NFE2L2: variants seen among roughly 807,000 people sequenced by gnomAD.
The protein encoded by NFE2L2 is NFE2 like bZIP transcription factor 2, also known as nuclear factor erythroid 2-related factor 2.
Under a neutral mutation model 49.6 loss-of-function variants are expected in NFE2L2, and 20 were observed. The ratio of observed to expected loss-of-function variants is 0.40; its 90% CI spans 0.28 to 0.59. The LOEUF (loss-of-function observed/expected upper bound fraction) is 0.59, where lower values mean the gene tolerates loss of function less well. Ranked by LOEUF, NFE2L2 falls within the 20% of genes least tolerant of loss-of-function variation. NFE2L2 has a pLI of 0.40. For synonymous variants in NFE2L2, 244 were observed against 256.5 expected (o/e 0.95, Z 0.47); for missense variants, 578 against 714.2 (o/e 0.81, Z 2.17).
intron 1 of NFE2L2, among the ~76,000 whole-genome samples, chr2:177,264,205 G>A (rs373208970): frequency 6.6e-6 from 1 of 152,114 alleles, no homozygotes; most frequent in Non-Finnish European, 1.5e-5. Context: ...CAAACTTAGG[G>A]GCTCCGGAGT....
At chr2:177,250,368 G>C (rs1022491571) in intron 1 of NFE2L2, among the ~76,000 whole-genome samples, 1 of 152,122 alleles carries the variant, frequency 6.6e-6, no homozygotes, top group African/African-American at 2.4e-5. Context: ...ATTATGTTGG[G>C]GTAGTGTTTA....
rs1690869506 is a variant in NFE2L2, at chr2:177,264,591, C to T, written c.-15G>A. The T allele has an allele frequency of 2.0e-6, 3 of 1,472,322 alleles. No homozygotes were observed. The East Asian group carries it at 9.0e-5, about 44-fold the overall frequency. The allele number at this position is 1,472,322 out of a possible 1,614,324, so 91.2% of individuals were successfully genotyped here. On this transcript the variant is annotated 5_prime_UTR_variant, in exon 1 of 5. Coordinates refer to ENST00000397062, the MANE Select transcript of NFE2L2 (RefSeq NM_006164.5). ...AAGTCCATCATGATGAGCTGTGGAC[C>T]GTGTGTTGGGGCTCCCCGACGGCGG... is the stretch of plus-strand genomic sequence containing the variant.
chr2:177,264,634 A>C lies in NFE2L2; in HGVS notation c.-58T>G. 1 of 1,388,804 alleles carries C rather than the reference A, an allele frequency of 7.2e-7. No individual in the cohort carries two copies. The highest frequency in any genetic ancestry group is 1.5e-5 in the African/African-American group (1 of 66,784). 86.0% of individuals were successfully genotyped at this position (1,388,804 alleles called of 1,614,324 possible). A position where few individuals can be genotyped will look rare whatever the true frequency, so the allele number is the denominator to read the frequency against. ...GACGGCGGCCCTGTTCCGGCTGCCG[A>C]GGCGCGGCGCGGACAGGGCGGCTCT... On this transcript the variant is annotated 5_prime_UTR_variant, in exon 1 of 5. Coordinates refer to ENST00000397062, the MANE Select transcript of NFE2L2 (RefSeq NM_006164.5).
At position 177,253,362 on chromosome 2, in the gene NFE2L2, C is replaced by T. The variant is rs561756195; in HGVS notation, c.45+11170G>A. 3.9e-5 allele frequency among the ~76,000 whole-genome samples: 6 copies of T among 152,246 alleles called. No individual in the cohort carries two copies. The South Asian group carries it at 1.2e-3, about 32-fold the overall frequency. ...ACTATTACGTAAGCACCAGGCATGG[C>T]GCTAGACATCAGAATTACACAAAAG... On this transcript the variant is annotated intron_variant, in intron 1 of 4. Transcript: ENST00000397062.
chr2:177,252,224 C>T (rs1690368247), intron 1 of NFE2L2, among the ~76,000 whole-genome samples: 1 of 152,142 alleles, frequency 6.6e-6, no homozygotes, highest in East Asian at 1.9e-4. Context: ...CTCAGTTCTT[C>T]ACCTACAAAA....
chr2:177,237,203 C>A (rs1377288877), intron 1 of NFE2L2, among the ~76,000 whole-genome samples: 1 of 152,188 alleles, frequency 6.6e-6, no homozygotes, highest in Non-Finnish European at 1.5e-5. Context: ...CCATTGGTTG[C>A]ATCATGGAAC....
intron 1 of NFE2L2, among the ~76,000 whole-genome samples, chr2:177,257,587 C>T (rs1463267574): frequency 1.3e-5 from 2 of 152,206 alleles, no homozygotes; most frequent in Non-Finnish European, 2.9e-5. Flanking sequence ...ACCAGATTTT[C>T]TAAATCACTA....
chr2:177,233,957 G>A (rs754424808), intron 2 of NFE2L2, 48 bp downstream of exon 2: 106 of 1,604,060 alleles, frequency 6.6e-5, no homozygotes, highest in Non-Finnish European at 8.8e-5. Context: ...CTTGCTCAGT[G>A]TTTCCTTAAA....
chr2:177,264,486 C>T, intron 1 of NFE2L2, 46 bp downstream of exon 1: 5 of 1,511,492 alleles, frequency 3.3e-6, no homozygotes, highest in Non-Finnish European at 4.4e-6. Flanking sequence ...AGCTCCCCCG[C>T]CCCCGTCCCG....
rs944058765 is a variant in NFE2L2, at chr2:177,231,220, T to C, written c.1383A>G (p.Ala461=). 8 of 1,614,128 alleles carry C rather than the reference T, an allele frequency of 5.0e-6. No homozygotes were observed. Among genetic ancestry groups the C allele is most frequent in the Non-Finnish European group, 6.8e-6 (8 of 1,180,052 alleles). The change falls in exon 5 of 5, where the codon GCA becomes GCG. Residue 461 remains alanine, a synonymous_variant. Transcript: ENST00000397062. ...EAHLTRDELR[A]KALHIPFPVE... is the part of the protein sequence containing the mutation. ...CAGGGAATGGGATATGGAGAGCTTT[T>C]GCCCTAAGTTCATCTCTTGTGAGAT...
At chr2:177,259,927 G>A (rs917080616) in intron 1 of NFE2L2, among the ~76,000 whole-genome samples, 12 of 151,086 alleles carry the variant, frequency 7.9e-5, no homozygotes, top group African/African-American at 1.9e-4. Context: ...GCAAGACTGC[G>A]TCTCAAAAAA....
intron 1 of NFE2L2, among the ~76,000 whole-genome samples, chr2:177,255,600 C>G (rs1690488209): frequency 6.6e-6 from 1 of 152,096 alleles, no homozygotes; most frequent in African/African-American, 2.4e-5. Context: ...TACTCTGTTG[C>G]CTGGGCTGGA....
At chr2:177,239,507 T>C (rs564316752) in intron 1 of NFE2L2, among the ~76,000 whole-genome samples, 3 of 152,088 alleles carry the variant, frequency 2.0e-5, no homozygotes, top group Non-Finnish European at 4.4e-5. Flanking sequence ...TGAAACCCTG[T>C]CTCTACTAAA....
Position 177,231,783 on chromosome 2 carries a change from C to A in NFE2L2, c.820G>T (p.Asp274Tyr), listed in dbSNP as rs1689561709. 3.1e-6 allele frequency: 5 copies of A among 1,614,082 alleles called. No homozygotes were observed. The East Asian group carries it at 1.1e-4, about 36-fold the overall frequency. Residue 274 changes from aspartate to tyrosine, a missense_variant, in exon 5 of 5, where the codon GAT (aspartate) becomes TAT (tyrosine). Around this residue, in one of 3 missense-constraint regions of NFE2L2, gnomAD observed 368 missense variants for 384.6 expected, o/e 0.96. Transcript: ENST00000397062. Reference protein sequence around the residue: ...NQLTVNSLNSDATVNTDFGDE... With the variant: ...NQLTVNSLNSYATVNTDFGDE... ...CCAAAATCTGTGTTGACTGTGGCAT[C>A]TGAATTTAATGAGTTCACTGTCAAC...
Position 177,264,658 on chromosome 2 carries a change from C to T in NFE2L2, c.-82G>A. ...GAGGCGCGGCGCGGACAGGGCGGCT[C>T]TGGTGGCGGCGGCGGCGGCGGTGGC... On this transcript the variant is annotated 5_prime_UTR_variant, in exon 1 of 5. Transcript: ENST00000397062. The T allele has an allele frequency of 7.9e-7, 1 of 1,267,596 alleles. No individual in the cohort carries two copies. Among genetic ancestry groups the T allele is most frequent in the South Asian group, 2.4e-5 (1 of 41,546 alleles). 78.5% of individuals were successfully genotyped at this position (1,267,596 alleles called of 1,614,324 possible). A position where few individuals can be genotyped will look rare whatever the true frequency, so the allele number is the denominator to read the frequency against.
At chr2:177,261,702 T>C (rs1281922113) in intron 1 of NFE2L2, among the ~76,000 whole-genome samples, 1 of 152,222 alleles carries the variant, frequency 6.6e-6, no homozygotes, top group African/African-American at 2.4e-5. Flanking sequence ...AAATTATGCA[T>C]GTGAAGCAAT....
At position 177,263,561 on chromosome 2, in the gene NFE2L2, A is replaced by T. The variant is rs535234035; in HGVS notation, c.45+971T>A. On this transcript the variant is annotated intron_variant, in intron 1 of 4. Coordinates refer to ENST00000397062, the MANE Select transcript of NFE2L2 (RefSeq NM_006164.5). ...TTGGCCCTGGCGCGGCGAGGTTTGC[A>T]CGCTATAAAGCAGGAAAGGGCCAAC... 14 of 985,222 alleles carry T rather than the reference A, an allele frequency of 1.4e-5. No homozygotes were observed. The African/African-American group carries it at 2.3e-4, about 16-fold the overall frequency. 61.0% of individuals were successfully genotyped at this position (985,222 alleles called of 1,614,324 possible). A position where few individuals can be genotyped will look rare whatever the true frequency, so the allele number is the denominator to read the frequency against.
intron 1 of NFE2L2, among the ~76,000 whole-genome samples, chr2:177,248,634 C>T (rs1690218852): frequency 6.6e-6 from 1 of 152,218 alleles, no homozygotes; most frequent in Non-Finnish European, 1.5e-5. Flanking sequence ...GTCTCGATCT[C>T]CTCACCTTAG....
chr2:177,233,416 A>G (rs778985120), intron 2 of NFE2L2, 77 bp from the exon 3 acceptor site: 117 of 1,040,530 alleles, frequency 1.1e-4, no homozygotes, highest in Non-Finnish European at 1.6e-4. Context: ...TCAATAATTG[A>G]TGTTCATAAA....
Sources: allele counts gnomAD v4.1 joint callset (sites outside exome capture counted in the v4.1 genomes callset), GRCh38; gene constraint gnomAD v4.1.1; regional missense constraint gnomAD v4.1.1; transcripts MANE v1.5; gene names NCBI Gene and HGNC (gene_info 2026-07-23, HGNC 2026-07-21).